ZBED6: variants seen among roughly 807,000 people sequenced by gnomAD.
ZBED6 encodes zinc finger BED domain-containing protein 6.
Under a neutral mutation model 58.4 loss-of-function variants are expected in ZBED6, and 40 were observed. The observed-to-expected ratio is 0.68, with a 90% confidence interval of 0.53 to 0.89. The LOEUF (loss-of-function observed/expected upper bound fraction) is 0.89, where lower values mean the gene tolerates loss of function less well. Ranked by LOEUF, ZBED6 falls within the 40% of genes least tolerant of loss-of-function variation. The pLI, the probability that ZBED6 is intolerant of heterozygous loss-of-function variation, is 0.00. For synonymous variants in ZBED6, 439 were observed against 350.6 expected, an observed-to-expected ratio of 1.25 and a Z score of -2.82; for missense variants, 1,057 against 1,003.9, an observed-to-expected ratio of 1.05 and a Z score of -0.71.
intron 1 of ZBED6, among the ~76,000 whole-genome samples, chr1:203,811,331 A>G (rs546017540): frequency 4.9e-4 from 74 of 152,160 alleles, no homozygotes; most frequent in Non-Finnish European, 9.8e-4. Context: ...AAATAAATAA[A>G]TAAAATTAGT....
chr1:203,807,163 C>T (rs1008597562), intron 1 of ZBED6, among the ~76,000 whole-genome samples: 7 of 152,154 alleles, frequency 4.6e-5, no homozygotes, highest in South Asian at 2.1e-4. Flanking sequence ...GCATGAGCTA[C>T]CATTCCTGAC....
chr1:203,832,654 C>T (rs1177850298), intron 8 of ZBED6, among the ~76,000 whole-genome samples: 3 of 152,164 alleles, frequency 2.0e-5, no homozygotes, highest in African/African-American at 7.2e-5. Context: ...AGCCACCACA[C>T]CCGGCCTGTA....
At chr1:203,811,939 C>T (rs746584248) in intron 1 of ZBED6, among the ~76,000 whole-genome samples, 46 of 151,830 alleles carry the variant, frequency 3.0e-4, no homozygotes, top group Non-Finnish European at 3.4e-4. Context: ...CCTCAGCCTC[C>T]TGAGTAGCTG....
At chr1:203,850,946 A>G in intron 15 of ZBED6, 111 bp from the exon 16 acceptor site, 2 of 1,319,824 alleles carry the variant, frequency 1.5e-6, no homozygotes, top group Non-Finnish European at 2.1e-6. Flanking sequence ...TCTTAGATTC[A>G]CAGGCTTAAA....
exon 17 of ZBED6, chr1:203,853,446 T>C (rs2103492148): frequency 6.5e-6 from 1 of 152,696 alleles, no homozygotes; most frequent in African/African-American, 2.4e-5. Flanking sequence ...ATTTCTGAAT[T>C]GAGTTTTCTT....
At chr1:203,843,827 C>T (rs1687141745) in intron 11 of ZBED6, among the ~76,000 whole-genome samples, 2 of 151,818 alleles carry the variant, frequency 1.3e-5, no homozygotes, top group African/African-American at 4.8e-5. Flanking sequence ...TCTTTGTTCT[C>T]TTATTTTTTT....
chr1:203,848,014 C>T (rs1688346454), intron 12 of ZBED6, among the ~76,000 whole-genome samples: 1 of 152,090 alleles, frequency 6.6e-6, no homozygotes, highest in Non-Finnish European at 1.5e-5. Context: ...TGCCACCACA[C>T]CCCGCTAATT....
chr1:203,817,221 A>T lies in ZBED6; in HGVS notation c.*2753+97A>T. The T allele has an allele frequency of 4.9e-6, 5 of 1,012,958 alleles. No homozygotes were observed. The South Asian group carries it at 1.1e-4, about 22-fold the overall frequency. The allele number at this position is 1,012,958 out of a possible 1,614,324, so 62.7% of individuals were successfully genotyped here. On this transcript the variant is annotated intron_variant, in intron 2 of 16. Transcript: ENST00000550078. ...ATTTTAAGTTGTTTTTATTATATATATATTTTTTGCCCAACTTTATTATTG... is the reference window on the plus strand; with the variant it reads ...ATTTTAAGTTGTTTTTATTATATATTTATTTTTTGCCCAACTTTATTATTG...
rs59254922 is a variant in ZBED6 at position 203,815,216 on chromosome 1, C to CTTTTTTTTTTTTTTTT, written c.*2555-1709_*2555-1694dup. On this transcript the variant is annotated intron_variant, in intron 1 of 16. Coordinates refer to ENST00000550078, the Ensembl canonical transcript of ZBED6. ...TTCATTATTTTCTTCCTTTTCTTTT[C>CTTTTTTTTTTTTTTTT]TTTTTTTTTTTTTTTTGAGACAGTG... 1.2e-3 allele frequency among the ~76,000 whole-genome samples: 112 copies of CTTTTTTTTTTTTTTTT among 97,132 alleles called. 5 individuals are homozygous for CTTTTTTTTTTTTTTTT. The highest frequency in any genetic ancestry group is 1.3e-3 in the Non-Finnish European group (67 of 51,624). 63.7% of individuals were successfully genotyped at this position (97,132 alleles called of 152,430 possible). A position where few individuals can be genotyped will look rare whatever the true frequency, so the allele number is the denominator to read the frequency against.
intron 7 of ZBED6, among the ~76,000 whole-genome samples, chr1:203,830,519 TAAGAG>T (rs1419333779): frequency 5.3e-5 from 8 of 152,108 alleles, no homozygotes; most frequent in Admixed American, 2.0e-4. Flanking sequence ...GAAATTATAT[TAAGAG>T]AGGAAAGGCT....
exon 17 of ZBED6, chr1:203,852,520 T>A (rs1689535446): frequency 1.8e-6 from 2 of 1,098,388 alleles, no homozygotes; most frequent in Non-Finnish European, 1.3e-6. Flanking sequence ...AAATCAGAAG[T>A]ATACCTCTGA....
intron 10 of ZBED6, among the ~76,000 whole-genome samples, chr1:203,838,972 A>G (rs969280702): frequency 2.0e-3 from 297 of 151,302 alleles, no homozygotes; most frequent in South Asian, 3.8e-3. Context: ...AAAAAAAAAA[A>G]AAAGAAAGAA....
At chr1:203,802,699 A>G (rs1558092057) in exon 1 of ZBED6, 2 of 145,458 alleles carry the variant, frequency 1.4e-5, no homozygotes, top group African/African-American at 5.1e-5. Context: ...TCTCAAGTTC[A>G]TCTTTAAATG....
Position 203,797,981 on chromosome 1 carries a change from CTG to C in ZBED6, c.462_463del (p.Cys154Ter). 1.3e-6 allele frequency: 2 copies of C among 1,535,216 alleles called. No individual in the cohort carries two copies. The highest frequency in any genetic ancestry group is 1.2e-5 in the South Asian group (1 of 84,036). On this transcript the variant is annotated frameshift_variant, in exon 1 of 17. Transcript: ENST00000550078. LOFTEE classifies it high-confidence loss of function. Reference sequence around the variant, plus strand: ...ACACCTGGCGGGCCATTTGTAACCTCTGTGAGAAAAGCGTCAGCAGGGGTAAA... The same window carrying C: ...ACACCTGGCGGGCCATTTGTAACCTCTGAGAAAAGCGTCAGCAGGGGTAAA...
intron 1 of ZBED6, among the ~76,000 whole-genome samples, chr1:203,808,403 C>G (rs1046656301): frequency 1.1e-4 from 16 of 152,126 alleles, no homozygotes; most frequent in African/African-American, 3.9e-4. Flanking sequence ...AAAATTTTAC[C>G]ATGTCTGTGT....
At chr1:203,850,190 G>A in intron 14 of ZBED6, 164 bp downstream of exon 14, 1 of 698,540 alleles carries the variant, frequency 1.4e-6, no homozygotes, top group Non-Finnish European at 2.4e-6. Context: ...GGCAAAACGA[G>A]ATGAATTCTT....
intron 1 of ZBED6, among the ~76,000 whole-genome samples, chr1:203,804,792 C>T (rs1233353804): frequency 6.6e-6 from 1 of 151,458 alleles, no homozygotes; most frequent in Non-Finnish European, 1.5e-5. Context: ...TCTGTCTCAG[C>T]CTCCCAAGTA....
intron 2 of ZBED6, 151 bp from the exon 3 acceptor site, chr1:203,818,419 T>G: frequency 9.8e-7 from 1 of 1,024,162 alleles, no homozygotes; most frequent in South Asian, 1.6e-5. Context: ...GCTCTCGGTT[T>G]GTTCCTGTCA....
At chr1:203,797,829 G>A (rs1449837117) in exon 1 of ZBED6, 2 of 1,536,096 alleles carry the variant, frequency 1.3e-6, no homozygotes, top group South Asian at 1.2e-5. Context: ...TGCTTTGTTA[G>A]CTTCCAATGA....
Sources: allele counts gnomAD v4.1 joint callset (sites outside exome capture counted in the v4.1 genomes callset), GRCh38; gene constraint gnomAD v4.1.1; transcripts MANE v1.5; gene names NCBI Gene and HGNC (gene_info 2026-07-23, HGNC 2026-07-21).